The following CTNND2 variants were observed in gnomAD, a reference collection of about 807,000 sequenced individuals.
CTNND2 encodes catenin delta-2.
In CTNND2, 22 loss-of-function variants were observed where a neutral mutation model predicts 144.4. That is an observed-to-expected ratio of 0.15 (90% CI 0.11 to 0.22). CTNND2 has a LOEUF of 0.22. Among genes scored for constraint, CTNND2 ranks in the 10% least tolerant of loss-of-function variants. CTNND2 has a pLI of 1.00. For missense variants in CTNND2, 1,353 were observed against 1,618.8 expected (o/e 0.84, Z 2.82); for synonymous variants, 751 against 695.6 (o/e 1.08, Z -1.25).
intron 2 of CTNND2, among the ~76,000 whole-genome samples, chr5:11,615,433 T>A (rs1780535265): frequency 6.6e-6 from 1 of 152,214 alleles, no homozygotes; most frequent in African/African-American, 2.4e-5. Flanking sequence ...AAAAATAATG[T>A]AAGGCCATTC....
intron 1 of CTNND2, among the ~76,000 whole-genome samples, chr5:11,776,498 A>T (rs1790263078): frequency 6.6e-6 from 1 of 152,212 alleles, no homozygotes; most frequent in Non-Finnish European, 1.5e-5. Context: ...AACAGCTTTC[A>T]TTATTTGAAT....
At chr5:11,732,392 A>G in intron 1 of CTNND2, 120 bp from the exon 2 acceptor site, 1 of 860,432 alleles carries the variant, frequency 1.2e-6, no homozygotes, top group South Asian at 1.9e-5. Flanking sequence ...GCTGAGAAAG[A>G]CCAAGACATA....
chr5:11,700,286 A>C (rs765338213), intron 2 of CTNND2, among the ~76,000 whole-genome samples: 6 of 152,134 alleles, frequency 3.9e-5, no homozygotes, highest in Non-Finnish European at 8.8e-5. Flanking sequence ...GCTACAGAGG[A>C]GGCTGAGGCA....
intron 3 of CTNND2, among the ~76,000 whole-genome samples, chr5:11,428,126 A>G (rs1267004656): frequency 6.6e-6 from 1 of 152,196 alleles, no homozygotes; most frequent in Non-Finnish European, 1.5e-5. Flanking sequence ...GGTCCCTCCT[A>G]TAACACGTGG....
intron 18 of CTNND2, among the ~76,000 whole-genome samples, chr5:10,992,880 G>A (rs778214401): frequency 3.9e-5 from 6 of 152,144 alleles, no homozygotes; most frequent in South Asian, 2.1e-4. Flanking sequence ...AGAGCCTGGC[G>A]GGTAGGGCCT....
intron 1 of CTNND2, among the ~76,000 whole-genome samples, chr5:11,835,164 C>T (rs914664602): frequency 4.6e-5 from 7 of 152,202 alleles, no homozygotes; most frequent in East Asian, 1.9e-4. Flanking sequence ...GGATAAATGA[C>T]GAAAGGAAGA....
intron 9 of CTNND2, among the ~76,000 whole-genome samples, chr5:11,253,529 G>A (rs182340435): frequency 1.1e-4 from 17 of 152,262 alleles, no homozygotes; most frequent in Admixed American, 1.0e-3. Flanking sequence ...CTGCTGCCAT[G>A]TAAGACATGC....
chr5:11,819,761 C>T (rs1793213910), intron 1 of CTNND2, among the ~76,000 whole-genome samples: 2 of 152,234 alleles, frequency 1.3e-5, no homozygotes. Context: ...GGAATGGCCT[C>T]AGCAGAATCC....
At chr5:11,831,666 CA>C (rs61030048) in intron 1 of CTNND2, among the ~76,000 whole-genome samples, 4,159 of 99,018 alleles carry the variant, frequency 0.042, 125 homozygotes, top group East Asian at 0.1. Context: ...GACTCTGTAT[CA>C]AAAAAAAAAA....
chr5:11,276,288 A>G lies in CTNND2; in HGVS notation c.1629-39465T>C, dbSNP rs543606308. Among the ~76,000 whole-genome samples the G allele has an allele frequency of 6.6e-5, 10 of 152,248 alleles. No homozygotes were observed. In the South Asian group the frequency reaches 2.1e-3, roughly 32 times the overall value. Reference sequence around the variant, plus strand: ...ATGATAATCAAAGCCTTGAGTCTGGATGAAGGAGGGAAATAGATGAAGATG... The same window carrying G: ...ATGATAATCAAAGCCTTGAGTCTGGGTGAAGGAGGGAAATAGATGAAGATG... On this transcript the variant is annotated intron_variant, in intron 9 of 21. Coordinates refer to ENST00000304623, the MANE Select transcript of CTNND2 (RefSeq NM_001332.4).
Position 11,142,354 on chromosome 5 carries a change from C to T in CTNND2, c.2159+17222G>A, listed in dbSNP as rs146209746. ...CCCTATTCCACAGAGAAATTAGAAA[C>T]GGATCAGATAATATTCTTATCTCAA... On this transcript the variant is annotated intron_variant, in intron 12 of 21. Coordinates refer to ENST00000304623, the MANE Select transcript of CTNND2 (RefSeq NM_001332.4). 8.7e-4 allele frequency among the ~76,000 whole-genome samples: 132 copies of T among 152,130 alleles called. No homozygotes were observed. In the Middle Eastern group the frequency reaches 0.017, roughly 20 times the overall value.
intron 1 of CTNND2, among the ~76,000 whole-genome samples, chr5:11,844,145 T>C (rs956214056): frequency 6.6e-5 from 10 of 152,182 alleles, no homozygotes; most frequent in African/African-American, 1.7e-4. Context: ...TCTATGTAAA[T>C]AGAAGGGAAA....
intron 9 of CTNND2, among the ~76,000 whole-genome samples, chr5:11,282,690 G>A (rs1561146824): frequency 1.3e-5 from 2 of 152,144 alleles, no homozygotes; most frequent in Non-Finnish European, 2.9e-5. Flanking sequence ...AATTAATTCT[G>A]ATAAAAAGTG....
At chr5:11,813,227 G>C (rs910848313) in intron 1 of CTNND2, among the ~76,000 whole-genome samples, 10 of 152,156 alleles carry the variant, frequency 6.6e-5, no homozygotes, top group Admixed American at 3.3e-4. Context: ...TAGAAGCAAT[G>C]GGCCATACAG....
At chr5:11,784,197 G>A (rs1028848478) in intron 1 of CTNND2, among the ~76,000 whole-genome samples, 2 of 152,104 alleles carry the variant, frequency 1.3e-5, no homozygotes, top group African/African-American at 4.8e-5. Context: ...AAATAACACT[G>A]GTTGAAACAC....
chr5:11,447,125 A>G (rs1479570659), intron 3 of CTNND2, among the ~76,000 whole-genome samples: 2 of 152,236 alleles, frequency 1.3e-5, no homozygotes, highest in South Asian at 2.1e-4. Flanking sequence ...GGGCAGCTCA[A>G]TTGCGGCCAG....
intron 3 of CTNND2, among the ~76,000 whole-genome samples, chr5:11,511,463 G>C (rs1260541960): frequency 2.0e-5 from 3 of 152,014 alleles, no homozygotes; most frequent in African/African-American, 7.3e-5. Flanking sequence ...TTAGTGAGTG[G>C]GGAGCCAGGA....
intron 9 of CTNND2, among the ~76,000 whole-genome samples, chr5:11,297,951 T>C (rs1262026711): frequency 5.3e-5 from 8 of 152,168 alleles, no homozygotes; most frequent in Non-Finnish European, 1.2e-4. Flanking sequence ...ACCTTCAATA[T>C]TGGGCTAATA....
At chr5:11,591,191 T>C (rs565342159) in intron 2 of CTNND2, among the ~76,000 whole-genome samples, 9 of 152,302 alleles carry the variant, frequency 5.9e-5, no homozygotes, top group African/African-American at 2.2e-4. Flanking sequence ...CAACTCACCA[T>C]CATTCTCTGT....
Sources: allele counts gnomAD v4.1 joint callset (sites outside exome capture counted in the v4.1 genomes callset), GRCh38; gene constraint gnomAD v4.1.1; transcripts MANE v1.5; gene names NCBI Gene and HGNC (gene_info 2026-07-23, HGNC 2026-07-21).